The following ZNF607 variants were observed in gnomAD, a reference collection of about 807,000 sequenced individuals.
ZNF607 encodes zinc finger protein 607.
In ZNF607, 5 loss-of-function variants were observed where a neutral mutation model predicts 12.8. The observed-to-expected ratio is 0.39, with a 90% CI of 0.20 to 0.82. The LOEUF (loss-of-function observed/expected upper bound fraction) is 0.82. Ranked by LOEUF, ZNF607 falls within the 40% of genes least tolerant of loss-of-function variation. The probability of loss-of-function intolerance (pLI) is 0.39; values close to 1 mark genes in which losing one functional copy is unlikely to be tolerated. For synonymous variants in ZNF607, 287 were observed against 276.2 expected, an observed-to-expected ratio of 1.04 and a Z score of -0.39; for missense variants, 851 against 859.2, an observed-to-expected ratio of 0.99 and a Z score of 0.12.
intron 2 of ZNF607, among the ~76,000 whole-genome samples, 160 bp from the exon 3 acceptor site, chr19:37,709,982 C>T (rs1312893335): frequency 6.6e-6 from 1 of 151,690 alleles, no homozygotes; most frequent in African/African-American, 2.4e-5. Context: ...TGGTGAAACC[C>T]CGTCTCTACT....
chr19:37,705,040 G>T (rs2045069518), intron 4 of ZNF607, among the ~76,000 whole-genome samples: 2 of 150,738 alleles, frequency 1.3e-5, no homozygotes, highest in East Asian at 1.9e-4. Context: ...AAAGCAAGAA[G>T]AATAAAAATA....
chr19:37,705,644 C>G (rs921871951), intron 4 of ZNF607, among the ~76,000 whole-genome samples: 1 of 137,946 alleles, frequency 7.2e-6, no homozygotes, highest in Non-Finnish European at 1.5e-5. Context: ...GAAATCGCAC[C>G]ACTGCACTCC....
At chr19:37,708,132 A>G (rs2045102262) in intron 3 of ZNF607, 120 bp from the exon 4 acceptor site, 4 of 662,164 alleles carry the variant, frequency 6.0e-6, no homozygotes, top group Non-Finnish European at 9.6e-6. Flanking sequence ...GAGAAGAGTG[A>G]GGGAAATAAA....
rs1309450925 is a variant in ZNF607 at position 37,698,984 on chromosome 19, G to A, written c.1147C>T (p.His383Tyr). The change falls in exon 5 of 5, where the codon CAT becomes TAT. Residue 383 changes from histidine to tyrosine, a missense_variant. Transcript: ENST00000355202. ...TTCTTACCACTATGAATACCCTGAT[G>A]TCGAGTAAGTCGTCCATGCACACTA... Reference protein sequence around the residue: ...AFSVHGRLTRHQGIHSGKKPY... With the variant: ...AFSVHGRLTRYQGIHSGKKPY... The A allele has an allele frequency of 6.2e-7, 1 of 1,613,940 alleles. No individual in the cohort carries two copies. Among genetic ancestry groups the A allele is most frequent in the South Asian group, 1.1e-5 (1 of 91,062 alleles).
At chr19:37,716,353 G>A (rs1223296173) in intron 1 of ZNF607, among the ~76,000 whole-genome samples, 1 of 152,206 alleles carries the variant, frequency 6.6e-6, no homozygotes, top group Non-Finnish European at 1.5e-5. Context: ...GTAGACTGGA[G>A]TCTCCTGTTT....
At chr19:37,716,572 T>TTAATGAA (rs1414652607) in intron 1 of ZNF607, among the ~76,000 whole-genome samples, 1 of 152,120 alleles carries the variant, frequency 6.6e-6, no homozygotes, top group African/African-American at 2.4e-5. Flanking sequence ...AAAGTAGGAG[T>TTAATGAA]CTGTCTATTT....
chr19:37,705,698 A>AG (rs1260067752), intron 4 of ZNF607, among the ~76,000 whole-genome samples: 1 of 151,468 alleles, frequency 6.6e-6, no homozygotes, highest in African/African-American at 2.4e-5. Context: ...AAAAAAAAAA[A>AG]AAAAAAAACT....
rs539474445 is a variant in ZNF607, at chr19:37,697,347, G to C, written c.*693C>G. The C allele has an allele frequency of 4.3e-5, 64 of 1,495,382 alleles. No homozygotes were observed. In the South Asian group the frequency reaches 6.5e-4, roughly 15 times the overall value. 92.6% of individuals were successfully genotyped at this position (1,495,382 alleles called of 1,614,324 possible). On this transcript the variant is annotated 3_prime_UTR_variant, in exon 5 of 5. Coordinates refer to ENST00000355202, the MANE Select transcript of ZNF607 (RefSeq NM_032689.5). Reference sequence around the variant, plus strand: ...TAAGGCAGAGTTCACCATGCCTCCTGCAACAGCTAAGGCCAGGCCAAACTT... The same window carrying C: ...TAAGGCAGAGTTCACCATGCCTCCTCCAACAGCTAAGGCCAGGCCAAACTT...
intron 1 of ZNF607, among the ~76,000 whole-genome samples, chr19:37,714,357 AGC>A (rs2045157557): frequency 2.6e-5 from 4 of 151,476 alleles, no homozygotes; most frequent in African/African-American, 9.7e-5. Context: ...CAGCAGCAGC[AGC>A]AGCAGCAACA....
At chr19:37,702,028 G>A (rs1017191111) in intron 4 of ZNF607, among the ~76,000 whole-genome samples, 1 of 152,224 alleles carries the variant, frequency 6.6e-6, no homozygotes, top group African/African-American at 2.4e-5. Context: ...GCTCATGCCT[G>A]TAATCCCAGC....
rs2044998195 is a variant in ZNF607, at chr19:37,698,370, CTT to C, written c.1759_1760del (p.Lys587ValfsTer3). 10 of 1,613,884 alleles carry C rather than the reference CTT, an allele frequency of 6.2e-6. No individual in the cohort carries two copies. Among genetic ancestry groups the C allele is most frequent in the African/African-American group, 4.0e-5 (3 of 74,866 alleles). On this transcript the variant is annotated frameshift_variant, in exon 5 of 5. Transcript: ENST00000355202. LOFTEE classifies it low-confidence loss of function (END_TRUNC). ...IYHDRTHAGE[K>X]SYECKECGET... Reference sequence around the variant, plus strand: ...CCCCACATTCTTTACATTCATAGGACTTTTCACCAGCATGAGTTCGGTCATGA... The same window carrying C: ...CCCCACATTCTTTACATTCATAGGACTTCACCAGCATGAGTTCGGTCATGA...
intron 4 of ZNF607, among the ~76,000 whole-genome samples, chr19:37,705,210 T>C (rs2045071174): frequency 1.3e-5 from 2 of 151,974 alleles, no homozygotes; most frequent in Middle Eastern, 3.4e-3. Context: ...ATTTCAGGAA[T>C]AAAAAAGGGA....
intron 4 of ZNF607, among the ~76,000 whole-genome samples, chr19:37,703,251 C>G (rs1354080606): frequency 7.3e-6 from 1 of 137,300 alleles, no homozygotes; most frequent in Non-Finnish European, 1.6e-5. Flanking sequence ...ACCCCACCAA[C>G]AGGTAAATTT....
At chr19:37,713,296 C>G (rs2045147329) in intron 1 of ZNF607, among the ~76,000 whole-genome samples, 1 of 152,110 alleles carries the variant, frequency 6.6e-6, no homozygotes, top group African/African-American at 2.4e-5. Context: ...CTGCCTTAAA[C>G]TTCCTCCTAT....
chr19:37,715,698 C>A (rs2045171309), intron 1 of ZNF607, among the ~76,000 whole-genome samples: 1 of 152,028 alleles, frequency 6.6e-6, no homozygotes, highest in South Asian at 2.1e-4. Context: ...TACCACTCAG[C>A]CTCACATACA....
rs2044984400 is a variant in ZNF607, at chr19:37,697,282, G to C, written c.*758C>G. On this transcript the variant is annotated 3_prime_UTR_variant, in exon 5 of 5. Transcript: ENST00000355202. ...ACAATGTTCTGTACTCCACGGAATT[G>C]GTCAAAGATGGCAGCTCTGTGCCCA... The C allele has an allele frequency of 1.2e-6, 1 of 843,000 alleles. No individual in the cohort carries two copies. The highest frequency in any genetic ancestry group is 1.7e-5 in the Admixed American group (1 of 57,832). The allele number at this position is 843,000 out of a possible 1,614,324, so 52.2% of individuals were successfully genotyped here. A position where few individuals can be genotyped will look rare whatever the true frequency, so the allele number is the denominator to read the frequency against.
chr19:37,717,574 T>C (rs1354812535), intron 1 of ZNF607, among the ~76,000 whole-genome samples: 4 of 146,126 alleles, frequency 2.7e-5, no homozygotes, highest in African/African-American at 1.0e-4. Flanking sequence ...GGTGGGTGGA[T>C]CACCTGAGGT....
Position 37,699,313 on chromosome 19 carries a change from C to T in ZNF607, c.818G>A (p.Ser273Asn). Residue 273 changes from serine (S) to asparagine (N), a missense_variant, in exon 5 of 5, where the codon AGT (serine) becomes AAT (asparagine). Transcript: ENST00000355202. Reference sequence around the variant, plus strand: ...ATGTGGCTTCTCTCCAGTATGAATACTCTGATGTACTTTAAGGCCTGCTTT... The same window carrying T: ...ATGTGGCTTCTCTCCAGTATGAATATTCTGATGTACTTTAAGGCCTGCTTT... ...RLKAGLKVHQ[S>N]IHTGEKPHEC... 2 of 1,613,422 alleles carry T rather than the reference C, an allele frequency of 1.2e-6. No individual in the cohort carries two copies. The highest frequency in any genetic ancestry group is 2.2e-5 in the East Asian group (1 of 44,806).
At position 37,696,493 on chromosome 19, in the gene ZNF607, T is replaced by G. The variant is rs928005100; in HGVS notation, c.*1547A>C. On this transcript the variant is annotated 3_prime_UTR_variant, in exon 5 of 5. Transcript: ENST00000355202. Reference sequence around the variant, plus strand: ...TAGAGATCTGAAGTGATTTTACCTTTACTTCCTTCACTTTAAGCCAATCAT... The same window carrying G: ...TAGAGATCTGAAGTGATTTTACCTTGACTTCCTTCACTTTAAGCCAATCAT... 8.0e-6 allele frequency: 3 copies of G among 374,842 alleles called. No homozygotes were observed. Among genetic ancestry groups the G allele is most frequent in the African/African-American group, 6.3e-5 (3 of 47,478 alleles). The allele number at this position is 374,842 out of a possible 1,614,324, so 23.2% of individuals were successfully genotyped here.
Sources: gnomAD v4.1 joint callset for allele counts (sites outside exome capture counted in the v4.1 genomes callset) on GRCh38, gnomAD v4.1.1 for gene constraint, MANE v1.5 for transcripts, NCBI Gene and HGNC (gene_info 2026-07-23, HGNC 2026-07-21) for gene names.